LRMDA: variants seen among roughly 807,000 people sequenced by gnomAD.
The protein encoded by LRMDA is leucine-rich melanocyte differentiation-associated protein.
In LRMDA, 18 loss-of-function variants were observed where a neutral mutation model predicts 29.8. The observed-to-expected ratio is 0.60, with a 90% CI of 0.42 to 0.90. The LOEUF (loss-of-function observed/expected upper bound fraction) is 0.90. Among genes scored for constraint, LRMDA ranks in the 40% least tolerant of loss-of-function variants. The pLI, the probability that LRMDA is intolerant of heterozygous loss-of-function variation, is 0.00. For missense variants in LRMDA, 273 were observed against 273.9 expected (o/e 1.00, Z 0.02); for synonymous variants, 125 against 109.4 (o/e 1.14, Z -0.89).
intron 2 of LRMDA, among the ~76,000 whole-genome samples, chr10:75,794,427 T>C (rs1440055196): frequency 6.6e-6 from 1 of 151,482 alleles, no homozygotes; most frequent in African/African-American, 2.4e-5. Flanking sequence ...ATCTAGATTT[T>C]TATTTCTCTT....
chr10:75,618,465 A>G (rs983613036), intron 2 of LRMDA, among the ~76,000 whole-genome samples: 2 of 145,430 alleles, frequency 1.4e-5, no homozygotes, highest in Non-Finnish European at 3.0e-5. Context: ...AACTATATAT[A>G]TATCAACCAT....
intron 6 of LRMDA, among the ~76,000 whole-genome samples, chr10:76,355,271 T>C (rs1051253134): frequency 1.3e-5 from 2 of 152,134 alleles, no homozygotes; most frequent in Admixed American, 1.3e-4. Context: ...GAGAGTAGGT[T>C]GTACTGGAAC....
Position 76,528,396 on chromosome 10 carries a change from G to A in LRMDA, c.602-28813G>A, listed in dbSNP as rs77307793. Among the ~76,000 whole-genome samples, 903 of 152,088 alleles carry A rather than the reference G, an allele frequency of 5.9e-3. 6 individuals are homozygous for A. The highest frequency in any genetic ancestry group is 1.0e-2 in the Non-Finnish European group (677 of 67,954). On this transcript the variant is annotated intron_variant, in intron 6 of 6. Coordinates refer to ENST00000611255, the MANE Select transcript of LRMDA (RefSeq NM_001305581.2). ...TTTAAGTAATAAAATAAATGAAGATGGATATATATGAATGCATCCATACAA... is the reference window on the plus strand; with the variant it reads ...TTTAAGTAATAAAATAAATGAAGATAGATATATATGAATGCATCCATACAA...
chr10:76,101,594 G>A (rs939216697), intron 5 of LRMDA, among the ~76,000 whole-genome samples: 6 of 152,128 alleles, frequency 3.9e-5, no homozygotes, highest in African/African-American at 1.4e-4. Flanking sequence ...GAATTAGCCA[G>A]GCGTGGTGCC....
chr10:75,908,771 G>T (rs1019590854), intron 2 of LRMDA, among the ~76,000 whole-genome samples: 1 of 152,098 alleles, frequency 6.6e-6, no homozygotes, highest in Non-Finnish European at 1.5e-5. Flanking sequence ...CTCTACACGC[G>T]CTCTTTCCCC....
chr10:76,045,741 G>C (rs1415211274), intron 3 of LRMDA, among the ~76,000 whole-genome samples: 3 of 152,158 alleles, frequency 2.0e-5, no homozygotes, highest in Non-Finnish European at 4.4e-5. Context: ...GGGTCACTGA[G>C]TAGAGGTTAG....
At chr10:75,692,222 ATAT>A (rs1564541568) in intron 2 of LRMDA, among the ~76,000 whole-genome samples, 8,560 of 31,152 alleles carry the variant, frequency 0.27, 398 homozygotes, top group East Asian at 0.41. Context: ...AAAAAAAAAT[ATAT>A]ATATATATAT....
At chr10:75,627,481 CT>C (rs1841265682) in intron 2 of LRMDA, among the ~76,000 whole-genome samples, 1 of 152,132 alleles carries the variant, frequency 6.6e-6, no homozygotes, top group African/African-American at 2.4e-5. Flanking sequence ...ATGTTTGGGA[CT>C]GATGGAAAGT....
chr10:75,736,607 T>C (rs1842765589), intron 2 of LRMDA, among the ~76,000 whole-genome samples: 1 of 152,200 alleles, frequency 6.6e-6, no homozygotes, highest in African/African-American at 2.4e-5. Context: ...AATTAGAACC[T>C]CTTGCCAGAC....
chr10:76,551,356 T>C (rs545149128), intron 6 of LRMDA, among the ~76,000 whole-genome samples: 1 of 152,314 alleles, frequency 6.6e-6, no homozygotes, highest in Non-Finnish European at 1.5e-5. Flanking sequence ...AAGATGAGTG[T>C]CCAGCAATTG....
Position 76,560,044 on chromosome 10 carries a change from CATCT to C in LRMDA, c.*2757_*2760del, listed in dbSNP as rs1411253291. 6.6e-6 allele frequency: 1 copy of C among 152,182 alleles called. No individual in the cohort carries two copies. Among genetic ancestry groups the C allele is most frequent in the Non-Finnish European group, 1.5e-5 (1 of 68,048 alleles). The allele number at this position is 152,182 out of a possible 1,614,324, so 9.4% of individuals were successfully genotyped here. A position where few individuals can be genotyped will look rare whatever the true frequency, so the allele number is the denominator to read the frequency against. ...TTACCAGCCTCACTCATAAACCCTC[CATCT>C]GTTTGTTGCTTTAAATAGAAGCACA... On this transcript the variant is annotated 3_prime_UTR_variant, in exon 7 of 7. Transcript: ENST00000611255.
intron 6 of LRMDA, among the ~76,000 whole-genome samples, chr10:76,440,707 G>T (rs1842293214): frequency 6.6e-6 from 1 of 152,084 alleles, no homozygotes; most frequent in African/African-American, 2.4e-5. Flanking sequence ...ATCAGATCCG[G>T]CTGTACACGG....
At chr10:76,287,670 T>C (rs984913050) in intron 5 of LRMDA, among the ~76,000 whole-genome samples, 2 of 152,188 alleles carry the variant, frequency 1.3e-5, no homozygotes, top group Non-Finnish European at 2.9e-5. Context: ...CTTTTTAACA[T>C]TGTATTCATA....
intron 6 of LRMDA, among the ~76,000 whole-genome samples, chr10:76,377,162 G>T (rs1482666728): frequency 1.3e-5 from 2 of 151,940 alleles, no homozygotes; most frequent in African/African-American, 2.4e-5. Flanking sequence ...TGGGATTACA[G>T]GTGTGAGCCA....
At chr10:76,304,417 T>A (rs756056525) in intron 5 of LRMDA, among the ~76,000 whole-genome samples, 15 of 152,316 alleles carry the variant, frequency 9.8e-5, no homozygotes, top group South Asian at 2.1e-4. Flanking sequence ...CACCTTAAAC[T>A]TGTAGTCCTT....
chr10:76,480,723 A>G (rs1842725432), intron 6 of LRMDA, among the ~76,000 whole-genome samples: 1 of 151,956 alleles, frequency 6.6e-6, no homozygotes, highest in Non-Finnish European at 1.5e-5. Flanking sequence ...TGGAGTTTAG[A>G]TAGTCTGTGG....
chr10:75,442,043 G>A (rs1376097701), intron 2 of LRMDA, among the ~76,000 whole-genome samples: 1 of 152,194 alleles, frequency 6.6e-6, no homozygotes, highest in Non-Finnish European at 1.5e-5. Flanking sequence ...CCTTTGCACA[G>A]CTAAGTATTG....
chr10:75,499,275 C>A (rs554484401), intron 2 of LRMDA, among the ~76,000 whole-genome samples: 1 of 152,316 alleles, frequency 6.6e-6, no homozygotes, highest in East Asian at 1.9e-4. Flanking sequence ...ATACAGCTAT[C>A]CTTGCCTAGT....
At chr10:75,499,297 A>G (rs558343285) in intron 2 of LRMDA, among the ~76,000 whole-genome samples, 53 of 152,232 alleles carry the variant, frequency 3.5e-4, no homozygotes, top group African/African-American at 1.1e-3. Flanking sequence ...CGTGGAATTC[A>G]TCTCTCCCTG....
Sources: allele counts gnomAD v4.1 joint callset (sites outside exome capture counted in the v4.1 genomes callset), GRCh38; gene constraint gnomAD v4.1.1; transcripts MANE v1.5; gene names NCBI Gene and HGNC (gene_info 2026-07-23, HGNC 2026-07-21).